Variants in HMGCS1 observed in about 807,000 individuals in gnomAD.
HMGCS1 encodes 3-hydroxy-3-methylglutaryl-CoA synthase 1, also known as hydroxymethylglutaryl-CoA synthase, cytoplasmic.
Under a neutral mutation model 52.3 loss-of-function variants are expected in HMGCS1, and 9 were observed. That is an observed-to-expected ratio of 0.17 (90% confidence interval 0.10 to 0.30). HMGCS1 has a LOEUF of 0.30. Ranked by LOEUF, HMGCS1 falls within the 10% of genes least tolerant of loss-of-function variation. The pLI is 1.00. For missense variants in HMGCS1, 320 were observed against 620.9 expected (o/e 0.52, Z 5.15); for synonymous variants, 176 against 214.4 (o/e 0.82, Z 1.57).
intron 1 of HMGCS1, among the ~76,000 whole-genome samples, chr5:43,311,098 AC>A (rs1239752316): frequency 6.6e-6 from 1 of 152,100 alleles, no homozygotes; most frequent in Admixed American, 6.5e-5. Flanking sequence ...GCCAAGGCGG[AC>A]GGATCATTTG....
chr5:43,292,440 C>T (rs1753821694), intron 10 of HMGCS1, 34 bp downstream of exon 10: 2 of 1,590,132 alleles, frequency 1.3e-6, no homozygotes, highest in African/African-American at 1.3e-5. Flanking sequence ...TCTCCTAAAC[C>T]CTAAGATATG....
At chr5:43,305,042 A>G (rs981735190) in intron 2 of HMGCS1, among the ~76,000 whole-genome samples, 14 of 151,938 alleles carry the variant, frequency 9.2e-5, no homozygotes, top group Non-Finnish European at 2.1e-4. Flanking sequence ...GCTGGAGTGC[A>G]ATGGTGTGAT....
intron 10 of HMGCS1, 129 bp downstream of exon 10, chr5:43,292,345 T>C (rs1486318723): frequency 4.6e-5 from 31 of 676,700 alleles, no homozygotes; most frequent in Middle Eastern, 3.9e-4. Flanking sequence ...CTTTATACAA[T>C]TGGAAATAGT....
chr5:43,309,123 AAT>A (rs1436155219), intron 1 of HMGCS1, among the ~76,000 whole-genome samples: 3 of 151,964 alleles, frequency 2.0e-5, no homozygotes, highest in Non-Finnish European at 2.9e-5. Context: ...CTTAAATAAT[AAT>A]ATTTCTTCTT....
At chr5:43,291,760 A>T (rs534051509) in intron 10 of HMGCS1, among the ~76,000 whole-genome samples, 2 of 152,242 alleles carry the variant, frequency 1.3e-5, no homozygotes, top group East Asian at 3.9e-4. Context: ...AAGAAAACGT[A>T]AGTAAAGTGC....
rs376527837 is a variant in HMGCS1, at chr5:43,298,094, A to G, written c.489T>C (p.Tyr163=). 21 of 1,613,282 alleles carry G rather than the reference A, an allele frequency of 1.3e-5. No homozygotes were observed. The highest frequency in any genetic ancestry group is 1.8e-5 in the Non-Finnish European group (21 of 1,179,380). ...CTGTAGGTCTAGCATTTCCTGTGGC[A>G]TATACAGCAATATCTCCTGCAACTA... is the stretch of plus-strand genomic sequence containing the variant. ...ALVVAGDIAV[Y]ATGNARPTGG... is the part of the protein sequence containing the mutation. The change falls in exon 4 of 11, where the codon TAT becomes TAC. Residue 163 remains tyrosine, a synonymous_variant. Coordinates refer to ENST00000325110, the MANE Select transcript of HMGCS1 (RefSeq NM_001098272.3). This position sits in a 1 kb window ranked among gnomAD's most constrained non-coding sequence, Gnocchi z 5.6.
In HMGCS1 at chr5:43,298,480, A is replaced by G; in HGVS notation, c.448+38T>C. ...CTGGGTCTATTGAACCTTAGAAAAA[A>G]ATTTTGGGGGACGGCGGGGAATAGG... On this transcript the variant is annotated intron_variant, in intron 3 of 10. Coordinates refer to ENST00000325110, the MANE Select transcript of HMGCS1 (RefSeq NM_001098272.3). This position sits in a 1 kb window ranked among gnomAD's most constrained non-coding sequence, Gnocchi z 5.6. 6.5e-7 allele frequency: 1 copy of G among 1,547,376 alleles called. No homozygotes were observed. The highest frequency in any genetic ancestry group is 8.8e-7 in the Non-Finnish European group (1 of 1,138,522).
At position 43,298,364 on chromosome 5, in the gene HMGCS1, GATA is replaced by G; in HGVS notation, c.448+151_448+153del. 2 of 677,100 alleles carry G rather than the reference GATA, an allele frequency of 3.0e-6. No individual in the cohort carries two copies. The highest frequency in any genetic ancestry group is 2.9e-5 in the Admixed American group (1 of 33,950). 41.9% of individuals were successfully genotyped at this position (677,100 alleles called of 1,614,324 possible). A position where few individuals can be genotyped will look rare whatever the true frequency, so the allele number is the denominator to read the frequency against. On this transcript the variant is annotated intron_variant, in intron 3 of 10. Transcript: ENST00000325110. This position sits in a 1 kb window ranked among gnomAD's most constrained non-coding sequence, Gnocchi z 5.6. ...GATAAGATAACCAATTCACAATTCGGATAATGACAGACAGGTAAAATATCTTTC... is the reference window on the plus strand; with the variant it reads ...GATAAGATAACCAATTCACAATTCGGATGACAGACAGGTAAAATATCTTTC...
intron 10 of HMGCS1, 50 bp downstream of exon 10, chr5:43,292,424 G>T: frequency 6.7e-7 from 1 of 1,491,442 alleles, no homozygotes; most frequent in Non-Finnish European, 9.3e-7. Flanking sequence ...CTAAATCCCA[G>T]TTAGGTCTCC....
chr5:43,304,993 C>T (rs1754493047), intron 2 of HMGCS1, among the ~76,000 whole-genome samples: 1 of 150,434 alleles, frequency 6.6e-6, no homozygotes, highest in Non-Finnish European at 1.5e-5. Flanking sequence ...TCAAATGTTA[C>T]TTTTTTTTTT....
chr5:43,294,511 T>C, intron 7 of HMGCS1, 180 bp downstream of exon 7: 1 of 511,762 alleles, frequency 2.0e-6, no homozygotes, highest in Non-Finnish European at 3.4e-6. Context: ...CAAATACTTC[T>C]GGAAGAACTG....
chr5:43,297,605 T>C (rs1754093828), intron 4 of HMGCS1, among the ~76,000 whole-genome samples: 1 of 149,314 alleles, frequency 6.7e-6, no homozygotes, highest in Non-Finnish European at 1.5e-5. Flanking sequence ...CTTTGGGAGG[T>C]TGAGGGGGGC....
chr5:43,306,193 A>G (rs1466011305), intron 2 of HMGCS1, among the ~76,000 whole-genome samples: 1 of 152,248 alleles, frequency 6.6e-6, no homozygotes. Flanking sequence ...CAGTAAAGCA[A>G]GATAAGGAAG....
intron 2 of HMGCS1, among the ~76,000 whole-genome samples, chr5:43,305,853 A>G (rs1374580764): frequency 1.4e-5 from 2 of 145,490 alleles, no homozygotes; most frequent in Non-Finnish European, 3.0e-5. Context: ...AGTAGAACAT[A>G]ATTTTAAAAA....
At chr5:43,295,335 T>C (rs1301864648) in intron 6 of HMGCS1, among the ~76,000 whole-genome samples, 4 of 152,016 alleles carry the variant, frequency 2.6e-5, no homozygotes, top group African/African-American at 7.2e-5. Context: ...TGAACACACA[T>C]AGCATGCTAG....
chr5:43,300,549 G>A (rs956941881), intron 2 of HMGCS1, among the ~76,000 whole-genome samples: 1 of 152,122 alleles, frequency 6.6e-6, no homozygotes, highest in African/African-American at 2.4e-5. Flanking sequence ...TAGCACTCTG[G>A]GAGGCTGAGG....
intron 2 of HMGCS1, among the ~76,000 whole-genome samples, chr5:43,303,004 G>A (rs953535773): frequency 6.6e-6 from 1 of 152,178 alleles, no homozygotes; most frequent in African/African-American, 2.4e-5. Context: ...TATTGAATGT[G>A]CAAGTGACAT....
At chr5:43,292,056 G>A (rs998796157) in intron 10 of HMGCS1, among the ~76,000 whole-genome samples, 1 of 127,542 alleles carries the variant, frequency 7.8e-6, no homozygotes, top group East Asian at 2.3e-4. Context: ...GCAGTGGTGT[G>A]ATCTCAGCTT....
intron 1 of HMGCS1, among the ~76,000 whole-genome samples, chr5:43,310,779 C>T (rs1754821694): frequency 6.6e-6 from 1 of 152,132 alleles, no homozygotes; most frequent in South Asian, 2.1e-4. Flanking sequence ...TGCTACTGTT[C>T]AAGGCATATG....
Sources: gnomAD v4.1 joint callset for allele counts (sites outside exome capture counted in the v4.1 genomes callset) on GRCh38, gnomAD v4.1.1 for gene constraint, Gnocchi (gnomAD v3.1) non-coding constraint, MANE v1.5 for transcripts, NCBI Gene and HGNC (gene_info 2026-07-23, HGNC 2026-07-21) for gene names.